Variants in SRCIN1 observed in about 807,000 individuals in gnomAD.
SRCIN1 encodes the protein P130Cas-associated protein.
SRCIN1 carries 50 observed loss-of-function variants against 116.2 expected under a neutral mutation model. The ratio of observed to expected loss-of-function variants is 0.43; its 90% CI spans 0.34 to 0.54. The LOEUF is 0.54. Among genes scored for constraint, SRCIN1 ranks in the 20% least tolerant of loss-of-function variants. The pLI is 0.02. For synonymous variants in SRCIN1, 736 were observed against 750.0 expected (o/e 0.98, Z 0.30); for missense variants, 1,446 against 1,672.0 (o/e 0.86, Z 2.36).
At chr17:38,564,007 A>G in intron 4 of SRCIN1, 111 bp downstream of exon 4, 1 of 1,251,640 alleles carries the variant, frequency 8.0e-7, no homozygotes, top group Non-Finnish European at 1.1e-6. Flanking sequence ...TGGGAAAGAG[A>G]GCAGAGCTTG....
chr17:38,590,275 G>A (rs1208873325), intron 1 of SRCIN1, among the ~76,000 whole-genome samples: 4 of 152,134 alleles, frequency 2.6e-5, no homozygotes, highest in Non-Finnish European at 4.4e-5. Flanking sequence ...CTGCTCTGTC[G>A]CCCAGGCTGG....
At chr17:38,538,654 T>G (rs1477279851) in intron 18 of SRCIN1, among the ~76,000 whole-genome samples, 1 of 152,134 alleles carries the variant, frequency 6.6e-6, no homozygotes, top group Non-Finnish European at 1.5e-5. Flanking sequence ...TGAGGCCCAG[T>G]GTTGCTTTAT....
At chr17:38,587,907 T>C (rs1454170557) in intron 1 of SRCIN1, among the ~76,000 whole-genome samples, 1 of 151,768 alleles carries the variant, frequency 6.6e-6, no homozygotes, top group African/African-American at 2.4e-5. Flanking sequence ...ATTCCAGATA[T>C]ACAACCCTCT....
intron 3 of SRCIN1, among the ~76,000 whole-genome samples, chr17:38,565,664 C>T (rs1013615582): frequency 2.0e-5 from 3 of 152,224 alleles, no homozygotes; most frequent in Admixed American, 2.0e-4. Context: ...TTCATATTAA[C>T]TCAATTTAAT....
At chr17:38,573,846 G>A (rs1196856703) in intron 2 of SRCIN1, among the ~76,000 whole-genome samples, 1 of 152,240 alleles carries the variant, frequency 6.6e-6, no homozygotes, top group Non-Finnish European at 1.5e-5. Flanking sequence ...ACACATTCCT[G>A]TTCCCCAAAG....
chr17:38,596,339 G>T (rs1446560259), intron 1 of SRCIN1, among the ~76,000 whole-genome samples: 1 of 152,202 alleles, frequency 6.6e-6, no homozygotes, highest in Non-Finnish European at 1.5e-5. Flanking sequence ...GCCCCCCAGG[G>T]CAGACAGGAT....
At chr17:38,551,730 A>G (rs1012840726) in intron 14 of SRCIN1, 156 bp downstream of exon 14, 2 of 1,206,788 alleles carry the variant, frequency 1.7e-6, no homozygotes, top group Non-Finnish European at 2.4e-6. Context: ...GGCTAATGTC[A>G]CCCTCATTAT....
chr17:38,565,378 C>T (rs1481192992), intron 3 of SRCIN1, among the ~76,000 whole-genome samples: 1 of 152,178 alleles, frequency 6.6e-6, no homozygotes, highest in Non-Finnish European at 1.5e-5. Flanking sequence ...TATACATATA[C>T]TGTCAAGAAA....
chr17:38,568,195 G>A lies in SRCIN1; in HGVS notation c.345+16C>T. 1.2e-6 allele frequency: 2 copies of A among 1,613,156 alleles called. No homozygotes were observed. Among genetic ancestry groups the A allele is most frequent in the Non-Finnish European group, 8.5e-7 (1 of 1,179,622 alleles). Reference sequence around the variant, plus strand: ...CACATGCAGTTGTCATGGGAGCAGAGGCATCACACACTGACCTTGAAACTC... The same window carrying A: ...CACATGCAGTTGTCATGGGAGCAGAAGCATCACACACTGACCTTGAAACTC... On this transcript the variant is annotated intron_variant, in intron 3 of 18. Coordinates refer to ENST00000617146, the MANE Select transcript of SRCIN1 (RefSeq NM_025248.3). This position sits in a 1 kb window ranked among gnomAD's most constrained non-coding sequence, Gnocchi z 4.5.
At chr17:38,601,373 C>T (rs1439273589) in intron 1 of SRCIN1, among the ~76,000 whole-genome samples, 1 of 152,136 alleles carries the variant, frequency 6.6e-6, no homozygotes, top group East Asian at 1.9e-4. Context: ...AGCTGAGAGG[C>T]TTCTTGGATG....
intron 9 of SRCIN1, 128 bp downstream of exon 9, chr17:38,559,926 G>GA (rs1906116249): frequency 8.2e-6 from 11 of 1,348,244 alleles, no homozygotes; most frequent in Non-Finnish European, 1.1e-5. Context: ...TAACGGTGGG[G>GA]ACCAAAGTGC....
rs567382497 is a variant in SRCIN1 at position 38,530,790 on chromosome 17, C to T, written c.*2507G>A. Reference sequence around the variant, plus strand: ...GTTCTCACACACAAAGCTCCTCTCACGCTAACATGCAGGTAGGCACGTGCC... The same window carrying T: ...GTTCTCACACACAAAGCTCCTCTCATGCTAACATGCAGGTAGGCACGTGCC... On this transcript the variant is annotated 3_prime_UTR_variant, in exon 19 of 19. Transcript: ENST00000617146. 5.3e-5 allele frequency: 8 copies of T among 152,316 alleles called. No individual in the cohort carries two copies. Among genetic ancestry groups the T allele is most frequent in the South Asian group, 4.1e-4 (2 of 4,834 alleles). 9.4% of individuals were successfully genotyped at this position (152,316 alleles called of 1,614,324 possible). A position where few individuals can be genotyped will look rare whatever the true frequency, so the allele number is the denominator to read the frequency against.
rs2040933512 is a variant in SRCIN1 at position 38,532,320 on chromosome 17, C to G, written c.*977G>C. Reference sequence around the variant, plus strand: ...CCCTCCCATTTCCCTCAAACCAGACCCTTCCCCCAACTGCAAGCCACAAAA... The same window carrying G: ...CCCTCCCATTTCCCTCAAACCAGACGCTTCCCCCAACTGCAAGCCACAAAA... On this transcript the variant is annotated 3_prime_UTR_variant, in exon 19 of 19. Coordinates refer to ENST00000617146, the MANE Select transcript of SRCIN1 (RefSeq NM_025248.3). The surrounding 1 kb of genome is among the most constrained non-coding windows in gnomAD (Gnocchi z 4.3). 6.5e-6 allele frequency: 1 copy of G among 152,686 alleles called. No homozygotes were observed. The highest frequency in any genetic ancestry group is 1.9e-4 in the East Asian group (1 of 5,198). The allele number at this position is 152,686 out of a possible 1,614,324, so 9.5% of individuals were successfully genotyped here.
intron 7 of SRCIN1, among the ~76,000 whole-genome samples, chr17:38,561,024 G>C (rs541322318): frequency 6.6e-6 from 1 of 152,344 alleles, no homozygotes; most frequent in African/African-American, 2.4e-5. Flanking sequence ...ACCCGAATGT[G>C]CTCCTTTCCT....
At chr17:38,534,627 A>T (rs972291441) in intron 18 of SRCIN1, among the ~76,000 whole-genome samples, 1 of 152,176 alleles carries the variant, frequency 6.6e-6, no homozygotes, top group Non-Finnish European at 1.5e-5. Flanking sequence ...CCCTGCTGCT[A>T]CGGAGTTTTC....
At chr17:38,586,434 T>C (rs1437896357) in intron 1 of SRCIN1, among the ~76,000 whole-genome samples, 1 of 152,216 alleles carries the variant, frequency 6.6e-6, no homozygotes, top group Non-Finnish European at 1.5e-5. Flanking sequence ...AAAGCCACCA[T>C]GGAGAAGGGT....
Position 38,561,594 on chromosome 17 carries a change from A to G in SRCIN1, c.1569T>C (p.Pro523=), listed in dbSNP as rs1906246370. The change falls in exon 7 of 19, where the codon CCT becomes CCC. Residue 523 remains proline, a synonymous_variant. Coordinates refer to ENST00000617146, the MANE Select transcript of SRCIN1 (RefSeq NM_025248.3). ...SGSSSVFAES[P]GGKTRSAGSA... is the part of the protein sequence containing the mutation. Reference sequence around the variant, plus strand: ...TCCCCGCGCTGCGGGTCTTCCCTCCAGGACTCTCGGCAAAGACGGACGAGG... The same window carrying G: ...TCCCCGCGCTGCGGGTCTTCCCTCCGGGACTCTCGGCAAAGACGGACGAGG... 1.9e-6 allele frequency: 3 copies of G among 1,598,466 alleles called. No homozygotes were observed. Among genetic ancestry groups the G allele is most frequent in the East Asian group, 2.3e-5 (1 of 43,414 alleles).
At position 38,585,837 on chromosome 17, in the gene SRCIN1, TGGGGGAAGGGCGATG is replaced by T. The variant is rs1908082765; in HGVS notation, c.23-7061_23-7047del. Among the ~76,000 whole-genome samples, 1 of 152,058 alleles carries T rather than the reference TGGGGGAAGGGCGATG, an allele frequency of 6.6e-6. No individual in the cohort carries two copies. The highest frequency in any genetic ancestry group is 6.6e-5 in the Admixed American group (1 of 15,254). ...AAGCCTCGGAGATGAGGGCGTGTGA[TGGGGGAAGGGCGATG>T]GGGGGAAGGAGGCAGCTGGACTGAG... On this transcript the variant is annotated intron_variant, in intron 1 of 18. Coordinates refer to ENST00000617146, the MANE Select transcript of SRCIN1 (RefSeq NM_025248.3). This position sits in a 1 kb window ranked among gnomAD's most constrained non-coding sequence, Gnocchi z 4.2.
At chr17:38,535,366 G>A (rs1301237142) in intron 18 of SRCIN1, among the ~76,000 whole-genome samples, 2 of 151,826 alleles carry the variant, frequency 1.3e-5, no homozygotes, top group Non-Finnish European at 2.9e-5. Flanking sequence ...GCGCCACCAC[G>A]CCCGGCTAAT....
Sources: allele counts gnomAD v4.1 joint callset (sites outside exome capture counted in the v4.1 genomes callset), GRCh38; gene constraint gnomAD v4.1.1; non-coding constraint Gnocchi (gnomAD v3.1); transcripts MANE v1.5; gene names NCBI Gene and HGNC (gene_info 2026-07-23, HGNC 2026-07-21).